ADD2: variants seen among roughly 807,000 people sequenced by gnomAD.
ADD2 encodes beta-adducin.
A neutral mutation model predicts 83.0 loss-of-function variants in ADD2; 23 were observed. That is an observed-to-expected ratio of 0.28 (90% CI 0.20 to 0.39). The LOEUF is 0.39. Among genes scored for constraint, ADD2 ranks in the 10% least tolerant of loss-of-function variants. The probability of loss-of-function intolerance (pLI) is 1.00; values close to 1 mark genes in which losing one functional copy is unlikely to be tolerated. For missense variants in ADD2, 758 were observed against 944.9 expected, an observed-to-expected ratio of 0.80 and a Z score of 2.59; for synonymous variants, 375 against 375.4, an observed-to-expected ratio of 1.00 and a Z score of 0.01.
chr2:70,687,977 C>T (rs782541094), intron 9 of ADD2, 47 bp downstream of exon 9: 2 of 1,495,760 alleles, frequency 1.3e-6, no homozygotes, highest in African/African-American at 2.8e-5. Context: ...CCACAGGCCC[C>T]TGTCAGAGCC....
At chr2:70,677,310 G>A (rs1196037770) in intron 12 of ADD2, among the ~76,000 whole-genome samples, 2 of 152,036 alleles carry the variant, frequency 1.3e-5, no homozygotes, top group East Asian at 1.9e-4. Context: ...TAGGGTATCC[G>A]GGTCCACACA....
At chr2:70,749,816 C>T (rs1674415811) in intron 1 of ADD2, among the ~76,000 whole-genome samples, 1 of 152,212 alleles carries the variant, frequency 6.6e-6, no homozygotes, top group Admixed American at 6.5e-5. Flanking sequence ...AGGAGCCTGG[C>T]ACATTGGTAC....
Position 70,677,738 on chromosome 2 carries a change from G to GA in ADD2, c.1503+19dup. The stretch of plus-strand genomic sequence containing the variant: ...CCCAGTGTGGGAGAAGAAAGAGTGG[G>GA]ATAAACAGACCCCACTTACCTTGTT... On this transcript the variant is annotated intron_variant, in intron 12 of 15. Coordinates refer to ENST00000264436, the MANE Select transcript of ADD2 (RefSeq NM_001617.4). The GA allele has an allele frequency of 1.1e-5, 18 of 1,613,028 alleles. No homozygotes were observed. The highest frequency in any genetic ancestry group is 1.5e-5 in the Non-Finnish European group (18 of 1,179,172).
At chr2:70,671,489 T>C (rs1669891325) in intron 15 of ADD2, among the ~76,000 whole-genome samples, 3 of 151,916 alleles carry the variant, frequency 2.0e-5, no homozygotes, top group South Asian at 4.1e-4. Flanking sequence ...GAGAAATCTA[T>C]TTCTTTTGAA....
At chr2:70,708,598 C>T (rs1485016734) in intron 2 of ADD2, among the ~76,000 whole-genome samples, 1 of 152,222 alleles carries the variant, frequency 6.6e-6, no homozygotes, top group Non-Finnish European at 1.5e-5. Flanking sequence ...TCTCACATCA[C>T]AGGCCAAGTC....
chr2:70,665,320 G>A (rs1675741222), intron 15 of ADD2, among the ~76,000 whole-genome samples: 1 of 152,074 alleles, frequency 6.6e-6, no homozygotes, highest in Non-Finnish European at 1.5e-5. Context: ...GACACTGCTG[G>A]GCAAGTCAAA....
intron 6 of ADD2, 94 bp downstream of exon 6, chr2:70,695,625 AAC>A: frequency 8.6e-7 from 1 of 1,157,252 alleles, no homozygotes; most frequent in Non-Finnish European, 1.3e-6. Flanking sequence ...TCCACAGCGC[AAC>A]AGTGACCAAT....
intron 7 of ADD2, chr2:70,691,813 CAT>C (rs1417872276): frequency 2.0e-5 from 3 of 152,278 alleles, no homozygotes; most frequent in Admixed American, 1.3e-4. Flanking sequence ...TGTCCCTGTA[CAT>C]GTGTGGCCTG....
rs1458680503 is a variant in ADD2, at chr2:70,658,340, A to C, written c.*5085T>G. On this transcript the variant is annotated 3_prime_UTR_variant, in exon 16 of 16. Coordinates refer to ENST00000264436, the MANE Select transcript of ADD2 (RefSeq NM_001617.4). ...TCATTTATGACAGAAAGTGTGCCAC[A>C]TCTGAATAGGTTGGTTAGACGGGGC... The C allele has an allele frequency of 2.0e-5, 3 of 152,202 alleles. No individual in the cohort carries two copies. The highest frequency in any genetic ancestry group is 7.2e-5 in the African/African-American group (3 of 41,456). 9.4% of individuals were successfully genotyped at this position (152,202 alleles called of 1,614,324 possible).
chr2:70,687,195 C>T (rs1300169704), intron 9 of ADD2: 1 of 152,398 alleles, frequency 6.6e-6, no homozygotes, highest in African/African-American at 2.4e-5. Flanking sequence ...TACCCAAGGG[C>T]ACACAGCCCA....
chr2:70,755,786 C>T (rs1325348804), intron 1 of ADD2, among the ~76,000 whole-genome samples: 1 of 152,150 alleles, frequency 6.6e-6, no homozygotes, highest in Non-Finnish European at 1.5e-5. Context: ...TACGGCCGGG[C>T]ACGGTGGCTC....
At chr2:70,683,506 T>A in intron 10 of ADD2, 85 bp downstream of exon 10, 1 of 1,404,972 alleles carries the variant, frequency 7.1e-7, no homozygotes, top group South Asian at 1.5e-5. Flanking sequence ...GCAATTCTTG[T>A]GCCCACCTGA....
intron 2 of ADD2, among the ~76,000 whole-genome samples, chr2:70,710,157 C>T (rs1553375233): frequency 1.3e-5 from 2 of 152,196 alleles, no homozygotes; most frequent in Non-Finnish European, 2.9e-5. Flanking sequence ...CCAGTGAGTA[C>T]ACTGGATGTG....
chr2:70,680,279 A>G (rs1026075294), intron 10 of ADD2, among the ~76,000 whole-genome samples: 6 of 152,162 alleles, frequency 3.9e-5, no homozygotes, highest in Non-Finnish European at 7.4e-5. Flanking sequence ...GATGGCAAGT[A>G]GTCTATCTTT....
At chr2:70,704,263 T>TTG in intron 4 of ADD2, 58 bp downstream of exon 4, 322 of 913,142 alleles carry the variant, frequency 3.5e-4, no homozygotes, top group East Asian at 9.7e-4. Flanking sequence ...CTCCCTCTCT[T>TTG]CCCCACCCCA....
chr2:70,755,386 G>A (rs1553383653), intron 1 of ADD2, among the ~76,000 whole-genome samples: 1 of 152,152 alleles, frequency 6.6e-6, no homozygotes, highest in African/African-American at 2.4e-5. Context: ...AGCCTTCCCT[G>A]ACCACTCTGG....
chr2:70,737,688 A>T (rs986550488), intron 1 of ADD2, among the ~76,000 whole-genome samples: 45 of 152,324 alleles, frequency 3.0e-4, no homozygotes, highest in Admixed American at 2.9e-3. Context: ...ACAAACCTGC[A>T]CATTGTGCAC....
chr2:70,728,964 A>C (rs1553378812), intron 1 of ADD2, among the ~76,000 whole-genome samples: 1 of 152,268 alleles, frequency 6.6e-6, no homozygotes, highest in Non-Finnish European at 1.5e-5. Context: ...TTCCACCGGC[A>C]AACTCTCAAA....
At chr2:70,679,081 T>G (rs111916820) in intron 10 of ADD2, 120 bp from the exon 11 acceptor site, 32,141 of 1,207,964 alleles carry the variant, frequency 0.027, 564 homozygotes, top group Admixed American at 0.067. Context: ...AACCCAAATC[T>G]CCATTAAACA....
Sources: gnomAD v4.1 joint callset for allele counts (sites outside exome capture counted in the v4.1 genomes callset) on GRCh38, gnomAD v4.1.1 for gene constraint, MANE v1.5 for transcripts, NCBI Gene and HGNC (gene_info 2026-07-23, HGNC 2026-07-21) for gene names.